Variants in RPS6KA6 observed in about 807,000 individuals in gnomAD.
RPS6KA6 encodes the protein ribosomal protein S6 kinase A6, also known as ribosomal protein S6 kinase alpha-6.
A neutral mutation model predicts 65.4 loss-of-function variants in RPS6KA6; 27 were observed. That is an observed-to-expected ratio of 0.41 (90% CI 0.30 to 0.57). The LOEUF is 0.57. Among genes scored for constraint, RPS6KA6 ranks in the 20% least tolerant of loss-of-function variants. The pLI is 0.24. For missense variants in RPS6KA6, 486 were observed against 555.6 expected, an observed-to-expected ratio of 0.87 and a Z score of 1.26; for synonymous variants, 190 against 184.2, an observed-to-expected ratio of 1.03 and a Z score of -0.26.
chrX:84,147,112 G>T, intron 4 of RPS6KA6, 54 bp from the exon 5 acceptor site: 1 of 662,630 alleles, frequency 1.5e-6, no homozygotes, highest in Non-Finnish European at 2.3e-6. Context: ...TTTCAGTTAA[G>T]AGTCCATCAA....
intron 12 of RPS6KA6, among the ~76,000 whole-genome samples, chrX:84,111,310 G>A (rs888057360): frequency 2.7e-5 from 3 of 111,253 alleles, no homozygotes; most frequent in Non-Finnish European, 3.8e-5. Context: ...TGTTAGAGAC[G>A]TAGATATCCA....
At chrX:84,150,807 G>GAT (rs1354464499) in intron 3 of RPS6KA6, among the ~76,000 whole-genome samples, 3 of 94,251 alleles carry the variant, frequency 3.2e-5, no homozygotes, top group African/African-American at 7.9e-5. Flanking sequence ...ATATAGAGAG[G>GAT]ATATATATAG....
chrX:84,111,508 A>G (rs2034470059), intron 12 of RPS6KA6, among the ~76,000 whole-genome samples: 1 of 112,128 alleles, frequency 8.9e-6, no homozygotes. Context: ...AGAAATTTTA[A>G]CAAGCCAGAA....
At chrX:84,067,724 C>T (rs2033436295) in intron 20 of RPS6KA6, among the ~76,000 whole-genome samples, 5 of 111,570 alleles carry the variant, frequency 4.5e-5, no homozygotes, top group Admixed American at 1.9e-4. Context: ...ACTTCCCCAA[C>T]CTAGCAAGAC....
intron 1 of RPS6KA6, among the ~76,000 whole-genome samples, chrX:84,171,384 C>A (rs1377002061): frequency 2.7e-5 from 3 of 111,498 alleles, no homozygotes; most frequent in African/African-American, 9.8e-5. Context: ...TGTCTATGAT[C>A]AAAAATTCTC....
chrX:84,087,219 A>C (rs1218067255), intron 20 of RPS6KA6, among the ~76,000 whole-genome samples: 3 of 110,764 alleles, frequency 2.7e-5, no homozygotes, highest in Non-Finnish European at 5.7e-5. Context: ...GTTATTTTGC[A>C]TACTTGTTTA....
At chrX:84,120,841 T>C (rs747830017) in intron 8 of RPS6KA6, among the ~76,000 whole-genome samples, 11 of 111,446 alleles carry the variant, frequency 9.9e-5, no homozygotes, top group Non-Finnish European at 1.9e-4. Flanking sequence ...GTCAAGAAAA[T>C]AAAATAGTCC....
intron 20 of RPS6KA6, among the ~76,000 whole-genome samples, chrX:84,089,715 C>A (rs964465453): frequency 9.0e-6 from 1 of 111,140 alleles, no homozygotes; most frequent in African/African-American, 3.3e-5. Flanking sequence ...CCTTTGTCTC[C>A]GTGCCACTCT....
At chrX:84,120,336 T>C (rs2034645536) in intron 8 of RPS6KA6, among the ~76,000 whole-genome samples, 1 of 111,362 alleles carries the variant, frequency 9.0e-6, no homozygotes, top group Non-Finnish European at 1.9e-5. Flanking sequence ...TTGATCTAAG[T>C]TTTAAAATAG....
chrX:84,069,683 T>C (rs938429975), intron 20 of RPS6KA6, among the ~76,000 whole-genome samples: 3 of 111,353 alleles, frequency 2.7e-5, no homozygotes, highest in Middle Eastern at 4.2e-3. Context: ...AGGTCTAATA[T>C]CCACAATCTA....
At chrX:84,120,199 A>G (rs1453262625) in intron 8 of RPS6KA6, among the ~76,000 whole-genome samples, 172 bp from the exon 9 acceptor site, 1 of 111,451 alleles carries the variant, frequency 9.0e-6, no homozygotes, top group Admixed American at 9.6e-5. Flanking sequence ...ATTTCATAAC[A>G]ATACTCTTTA....
rs2034590027 is a variant in RPS6KA6, at chrX:84,117,461, C to T, written c.790-7G>A. 1 of 1,111,300 alleles carries T rather than the reference C, an allele frequency of 9.0e-7. No homozygotes were observed. Among genetic ancestry groups the T allele is most frequent in the Non-Finnish European group, 1.2e-6 (1 of 825,090 alleles). 91.6% of individuals were successfully genotyped at this position (1,111,300 alleles called of 1,213,427 possible). A position where few individuals can be genotyped will look rare whatever the true frequency, so the allele number is the denominator to read the frequency against. ...TACCAGTAAGCATTTCAAACTAAAA[C>T]AAACAAACAAAACACACCACACAAT... On this transcript the variant is annotated splice_polypyrimidine_tract_variant and splice_region_variant and intron_variant, in intron 9 of 21. Transcript: ENST00000262752.
intron 3 of RPS6KA6, among the ~76,000 whole-genome samples, chrX:84,148,981 G>C (rs1371464961): frequency 1.8e-5 from 2 of 111,906 alleles, no homozygotes; most frequent in African/African-American, 3.2e-5. Flanking sequence ...TCTTTCAAAA[G>C]TGAACTCAGT....
At chrX:84,107,186 C>T in intron 13 of RPS6KA6, 146 bp from the exon 14 acceptor site, 2 of 464,850 alleles carry the variant, frequency 4.3e-6, no homozygotes, top group Non-Finnish European at 6.8e-6. Context: ...CTGTCTCCTC[C>T]CATCTGTATA....
intron 20 of RPS6KA6, among the ~76,000 whole-genome samples, chrX:84,074,927 T>C (rs185798686): frequency 9.3e-4 from 104 of 111,402 alleles, no homozygotes; most frequent in African/African-American, 3.1e-3. Flanking sequence ...TAAGTAGAGA[T>C]AGAGAAGATA....
At chrX:84,113,655 A>G (rs997624542) in intron 12 of RPS6KA6, among the ~76,000 whole-genome samples, 1 of 111,869 alleles carries the variant, frequency 8.9e-6, no homozygotes, top group Non-Finnish European at 1.9e-5. Flanking sequence ...GCATAGAAGG[A>G]ACATACTCCA....
chrX:84,089,303 G>T (rs2033995094), intron 20 of RPS6KA6, among the ~76,000 whole-genome samples: 1 of 111,940 alleles, frequency 8.9e-6, no homozygotes, highest in African/African-American at 3.2e-5. Context: ...CTGGAACTTG[G>T]TCCATCTCAG....
intron 1 of RPS6KA6, among the ~76,000 whole-genome samples, chrX:84,166,426 T>C (rs1417224640): frequency 9.0e-6 from 1 of 111,144 alleles, no homozygotes; most frequent in African/African-American, 3.3e-5. Flanking sequence ...CAAATGTAAG[T>C]AATTCTAGAA....
chrX:84,094,634 G>A (rs1416310923), intron 20 of RPS6KA6, among the ~76,000 whole-genome samples: 1 of 109,682 alleles, frequency 9.1e-6, no homozygotes, highest in African/African-American at 3.3e-5. Flanking sequence ...AACAGAGCAA[G>A]ACTCCGTCTC....
Sources: allele counts gnomAD v4.1 joint callset (sites outside exome capture counted in the v4.1 genomes callset), GRCh38; gene constraint gnomAD v4.1.1; transcripts MANE v1.5; gene names NCBI Gene and HGNC (gene_info 2026-07-23, HGNC 2026-07-21).